The following DAB1 variants were observed in gnomAD, a reference collection of about 807,000 sequenced individuals.
DAB1 encodes disabled homolog 1.
In DAB1, 15 loss-of-function variants were observed where a neutral mutation model predicts 64.6. The observed-to-expected ratio is 0.23, with a 90% CI of 0.16 to 0.36. The LOEUF (loss-of-function observed/expected upper bound fraction) is 0.36. Among genes scored for constraint, DAB1 ranks in the 10% least tolerant of loss-of-function variants. The pLI is 1.00. For synonymous variants in DAB1, 235 were observed against 251.9 expected (o/e 0.93, Z 0.64); for missense variants, 596 against 706.7 (o/e 0.84, Z 1.78).
chr1:57,635,030 G>A (rs1021767740), intron 7 of DAB1, among the ~76,000 whole-genome samples: 6 of 152,152 alleles, frequency 3.9e-5, no homozygotes, highest in African/African-American at 1.4e-4. Flanking sequence ...TCTCTGAGAT[G>A]GGAGCATGTT....
chr1:58,423,471 C>G (rs554558729), intron 3 of DAB1, among the ~76,000 whole-genome samples: 1 of 152,300 alleles, frequency 6.6e-6, no homozygotes, highest in East Asian at 1.9e-4. Flanking sequence ...TTTCTCCCAG[C>G]CCCAGCTCTG....
chr1:57,365,342 TAA>T (rs1370062856), intron 1 of DAB1, among the ~76,000 whole-genome samples: 1 of 142,360 alleles, frequency 7.0e-6, no homozygotes, highest in South Asian at 2.1e-4. Flanking sequence ...AGAATATATA[TAA>T]ATATATATTT....
intron 2 of DAB1, among the ~76,000 whole-genome samples, chr1:57,171,661 A>G (rs1048027744): frequency 2.0e-5 from 3 of 152,206 alleles, no homozygotes; most frequent in Non-Finnish European, 4.4e-5. Context: ...TTAAAAAAAT[A>G]CATATTACAT....
chr1:58,429,314 G>A (rs1251825874), intron 3 of DAB1, among the ~76,000 whole-genome samples: 2 of 152,208 alleles, frequency 1.3e-5, no homozygotes, highest in African/African-American at 2.4e-5. Context: ...AAAGTTATAA[G>A]ACTGGATGAG....
chr1:58,000,521 T>A (rs1646490130), intron 5 of DAB1, among the ~76,000 whole-genome samples: 1 of 151,528 alleles, frequency 6.6e-6, no homozygotes, highest in Admixed American at 6.6e-5. Flanking sequence ...TCCCACTTAG[T>A]CTCTTTTCCC....
intron 9 of DAB1, among the ~76,000 whole-genome samples, chr1:57,043,796 G>A (rs1012919797): frequency 2.0e-5 from 3 of 151,736 alleles, no homozygotes; most frequent in Non-Finnish European, 2.9e-5. Context: ...ACAGTGAGCC[G>A]AGATTGCACC....
chr1:57,730,864 T>G (rs941941593), intron 6 of DAB1, among the ~76,000 whole-genome samples: 8 of 152,162 alleles, frequency 5.3e-5, no homozygotes, highest in African/African-American at 1.9e-4. Flanking sequence ...GGAATTCTGG[T>G]GCATTACTGA....
At chr1:57,276,716 T>C (rs1292190116) in intron 2 of DAB1, among the ~76,000 whole-genome samples, 5 of 152,222 alleles carry the variant, frequency 3.3e-5, no homozygotes, top group Non-Finnish European at 7.3e-5. Context: ...CTAAAAATCA[T>C]AAATAAATCT....
intron 3 of DAB1, chr1:58,481,115 T>C (rs1445529350): frequency 5.7e-6 from 5 of 871,916 alleles, no homozygotes; most frequent in Non-Finnish European, 1.0e-5. Context: ...GTTTGAATAG[T>C]AATCGAGGGT....
At position 57,024,911 on chromosome 1, in the gene DAB1, G is replaced by A. The variant is rs534453406; in HGVS notation, c.786+1070C>T. Reference sequence around the variant, plus strand: ...AGAGGCTGCAGTCCCCTCCCTCAAGGCTGCCTTGGACATCAGGTGTTGGCA... The same window carrying A: ...AGAGGCTGCAGTCCCCTCCCTCAAGACTGCCTTGGACATCAGGTGTTGGCA... On this transcript the variant is annotated intron_variant, in intron 10 of 14. Transcript: ENST00000371236. Among the ~76,000 whole-genome samples the A allele has an allele frequency of 2.6e-5, 4 of 152,286 alleles. No individual in the cohort carries two copies. In the East Asian group the frequency reaches 7.7e-4, roughly 29 times the overall value.
chr1:57,886,037 G>T (rs1644216381), upstream of DAB1, among the ~76,000 whole-genome samples: 1 of 152,034 alleles, frequency 6.6e-6, no homozygotes, highest in Admixed American at 6.6e-5. Context: ...AAACATAATG[G>T]AATTTTCCAG....
chr1:57,996,542 C>T (rs1003894602), intron 5 of DAB1, among the ~76,000 whole-genome samples: 10 of 152,162 alleles, frequency 6.6e-5, no homozygotes, highest in South Asian at 2.1e-4. Context: ...ATTCATGAGC[C>T]CTTGCTTTGA....
chr1:57,499,971 T>C (rs928956425), intron 7 of DAB1, among the ~76,000 whole-genome samples: 2 of 152,242 alleles, frequency 1.3e-5, no homozygotes, highest in African/African-American at 4.8e-5. Flanking sequence ...ATGGTAAATA[T>C]ATACATTGTA....
intron 5 of DAB1, among the ~76,000 whole-genome samples, chr1:58,041,184 C>G (rs1053039432): frequency 2.0e-5 from 3 of 152,194 alleles, no homozygotes; most frequent in Non-Finnish European, 4.4e-5. Context: ...TGAGCAGACC[C>G]AGGAACCCAG....
chr1:57,038,232 G>A (rs566493089), intron 9 of DAB1, among the ~76,000 whole-genome samples: 21 of 152,046 alleles, frequency 1.4e-4, no homozygotes, highest in Non-Finnish European at 2.8e-4. Flanking sequence ...TGATTTTTTT[G>A]CTATGTCTAG....
At chr1:57,498,070 G>A (rs898436247) in intron 7 of DAB1, among the ~76,000 whole-genome samples, 1 of 152,182 alleles carries the variant, frequency 6.6e-6, no homozygotes, top group African/African-American at 2.4e-5. Context: ...GAGTTAGAAT[G>A]TGCAGAATTT....
At chr1:57,823,424 C>T (rs852773), downstream of DAB1, among the ~76,000 whole-genome samples, 47,284 of 151,812 alleles carry the variant, frequency 0.31, 8,745 homozygotes, top group Admixed American at 0.46. Flanking sequence ...GATGGCACAC[C>T]GGACCCCATA....
rs566659411 is a variant in DAB1 at position 57,356,193 on chromosome 1, C to G, written c.-136-65027G>C. ...GCTAAGACAGTAAAACTCAATTTCA[C>G]TGCTTTTGCTACAGCTCCCTGCTCC... On this transcript the variant is annotated intron_variant, in intron 1 of 14. Transcript: ENST00000371236. 2.6e-5 allele frequency among the ~76,000 whole-genome samples: 4 copies of G among 152,190 alleles called. No individual in the cohort carries two copies. In the South Asian group the frequency reaches 8.3e-4, roughly 32 times the overall value.
intron 6 of DAB1, among the ~76,000 whole-genome samples, chr1:57,722,163 C>G (rs866897851): frequency 2.8e-4 from 42 of 151,516 alleles, no homozygotes; most frequent in South Asian, 1.7e-3. Flanking sequence ...GGGAGCAATT[C>G]ACACTTTATG....
Sources: gnomAD v4.1 joint callset for allele counts (sites outside exome capture counted in the v4.1 genomes callset) on GRCh38, gnomAD v4.1.1 for gene constraint, MANE v1.5 for transcripts, NCBI Gene and HGNC (gene_info 2026-07-23, HGNC 2026-07-21) for gene names.